The following WDR26 variants were observed in gnomAD, a reference collection of about 807,000 sequenced individuals.
WDR26 encodes WD repeat domain 26.
WDR26 carries 5 observed loss-of-function variants against 84.1 expected under a neutral mutation model. The ratio of observed to expected loss-of-function variants is 0.06; its 90% CI spans 0.03 to 0.13. The LOEUF (loss-of-function observed/expected upper bound fraction) is 0.13. WDR26 is among the 10% of genes least tolerant of loss of function. The pLI is 1.00. For synonymous variants in WDR26, 415 were observed against 389.6 expected (o/e 1.07, Z -0.77); for missense variants, 642 against 974.9 (o/e 0.66, Z 4.55).
intron 4 of WDR26, among the ~76,000 whole-genome samples, chr1:224,422,269 A>G (rs761126555): frequency 5.9e-5 from 9 of 152,224 alleles, no homozygotes; most frequent in Non-Finnish European, 1.2e-4. Flanking sequence ...ATGAATAAAG[A>G]AAAAGATGGC....
chr1:224,421,271 T>C (rs1338013568), intron 4 of WDR26, among the ~76,000 whole-genome samples: 1 of 152,176 alleles, frequency 6.6e-6, no homozygotes, highest in African/African-American at 2.4e-5. Context: ...ATCATGTGAA[T>C]GATATTCCGA....
chr1:224,407,137 AAAAAAAAAAAAAAAATAT>A (rs1362362884), intron 7 of WDR26, among the ~76,000 whole-genome samples: 1 of 38,472 alleles, frequency 2.6e-5, no homozygotes, highest in African/African-American at 1.1e-4. Context: ...AAAAAAAAAA[AAAAAAAAAAAAAAAATAT>A]ATATATATAT....
rs1427899973 is a variant in WDR26, at chr1:224,434,502, T to C, written c.-97A>G. On this transcript the variant is annotated 5_prime_UTR_variant, in exon 1 of 14. Coordinates refer to ENST00000414423, the MANE Select transcript of WDR26 (RefSeq NM_001379403.1). ...CGGGGAGGCGGGGAGGGGGTCAGGG[T>C]AGGAGGGTGAGGGTGAGGGTGAGAG... 1 of 278,062 alleles carries C rather than the reference T, an allele frequency of 3.6e-6. No homozygotes were observed. Among genetic ancestry groups the C allele is most frequent in the African/African-American group, 6.8e-5 (1 of 14,642 alleles). The allele number at this position is 278,062 out of a possible 1,614,324, so 17.2% of individuals were successfully genotyped here. A position where few individuals can be genotyped will look rare whatever the true frequency, so the allele number is the denominator to read the frequency against.
In WDR26 at chr1:224,389,738, G is replaced by A; in HGVS notation, c.*97C>T. The A allele has an allele frequency of 8.1e-7, 1 of 1,235,322 alleles. No homozygotes were observed. The highest frequency in any genetic ancestry group is 1.2e-5 in the South Asian group (1 of 82,404). 76.5% of individuals were successfully genotyped at this position (1,235,322 alleles called of 1,614,324 possible). On this transcript the variant is annotated 3_prime_UTR_variant, in exon 14 of 14. Coordinates refer to ENST00000414423, the MANE Select transcript of WDR26 (RefSeq NM_001379403.1). ...TTCTTTTTTCATGACGAGCATGTCTGTCCAGCTATCAATCATGTTTGTTTG... is the reference window on the plus strand; with the variant it reads ...TTCTTTTTTCATGACGAGCATGTCTATCCAGCTATCAATCATGTTTGTTTG...
intron 9 of WDR26, 69 bp from the exon 10 acceptor site, chr1:224,399,103 A>T: frequency 7.3e-7 from 1 of 1,378,606 alleles, no homozygotes; most frequent in Non-Finnish European, 9.6e-7. Flanking sequence ...AAGAACCAAA[A>T]GACTCCCTTC....
At chr1:224,426,932 TA>T (rs992119454) in intron 3 of WDR26, among the ~76,000 whole-genome samples, 102 of 143,312 alleles carry the variant, frequency 7.1e-4, no homozygotes, top group Non-Finnish European at 6.8e-4. Flanking sequence ...CCGTCTCTAC[TA>T]AAAAAAAAAA....
At chr1:224,421,706 G>A (rs1252371372) in intron 4 of WDR26, among the ~76,000 whole-genome samples, 1 of 152,150 alleles carries the variant, frequency 6.6e-6, no homozygotes, top group African/African-American at 2.4e-5. Flanking sequence ...AAGGTGGGAG[G>A]ACTGCTTGAG....
intron 7 of WDR26, among the ~76,000 whole-genome samples, chr1:224,405,879 T>C (rs1409372157): frequency 6.6e-6 from 1 of 152,214 alleles, no homozygotes; most frequent in African/African-American, 2.4e-5. Context: ...CTAGGGAATA[T>C]ACAGTGTGAT....
intron 13 of WDR26, among the ~76,000 whole-genome samples, chr1:224,392,158 G>A (rs552150456): frequency 6.6e-6 from 1 of 152,010 alleles, no homozygotes; most frequent in African/African-American, 2.4e-5. Flanking sequence ...TCAGGAGATC[G>A]AGACCATCCT....
intron 3 of WDR26, among the ~76,000 whole-genome samples, chr1:224,426,262 C>T (rs28459650): frequency 6.6e-6 from 1 of 152,164 alleles, no homozygotes; most frequent in Admixed American, 6.5e-5. Context: ...AACTGCTCTA[C>T]AAGATTTTCT....
At chr1:224,395,800 T>C (rs1016487749) in intron 12 of WDR26, among the ~76,000 whole-genome samples, 5 of 152,186 alleles carry the variant, frequency 3.3e-5, no homozygotes, top group African/African-American at 1.2e-4. Flanking sequence ...TTTGAAGTAA[T>C]CAAGGTCAAA....
At position 224,434,179 on chromosome 1, in the gene WDR26, G is replaced by T; in HGVS notation, c.227C>A (p.Pro76Gln). 4 of 1,421,046 alleles carry T rather than the reference G, an allele frequency of 2.8e-6. No individual in the cohort carries two copies. The highest frequency in any genetic ancestry group is 3.7e-6 in the Non-Finnish European group (4 of 1,092,800). 88.0% of individuals were successfully genotyped at this position (1,421,046 alleles called of 1,614,324 possible). The change falls in exon 1 of 14, where the codon CCG becomes CAG. Residue 76 changes from proline (P) to glutamine (Q), a missense_variant. Pro to Gln is a moderately conservative substitution (Grantham distance 76). Around this residue, in one of 2 missense-constraint regions of WDR26, gnomAD observed 291 missense variants for 302.1 expected, o/e 0.96. Coordinates refer to ENST00000414423, the MANE Select transcript of WDR26 (RefSeq NM_001379403.1). ...AGCGGCGGCGGGAGGGGCAGCAGCC[G>T]GGGGAAGTCCCACCACTACCACCAC...
intron 1 of WDR26, among the ~76,000 whole-genome samples, chr1:224,433,253 C>A (rs1331840742): frequency 6.6e-6 from 1 of 152,118 alleles, no homozygotes; most frequent in African/African-American, 2.4e-5. Context: ...CACAAAGATG[C>A]CTCCAAGATA....
At chr1:224,432,204 T>A (rs866889887) in intron 1 of WDR26, among the ~76,000 whole-genome samples, 1 of 152,240 alleles carries the variant, frequency 6.6e-6, no homozygotes, top group Non-Finnish European at 1.5e-5. Context: ...TATATCCAGG[T>A]ATTATATTGC....
intron 12 of WDR26, among the ~76,000 whole-genome samples, chr1:224,395,212 G>C (rs1673227757): frequency 6.6e-6 from 1 of 152,094 alleles, no homozygotes; most frequent in South Asian, 2.1e-4. Context: ...GTTGTTATAA[G>C]GATTAAATAT....
chr1:224,404,729 T>C lies in WDR26; in HGVS notation c.1459-159A>G, dbSNP rs536046048. ...TAACAGCTTGCTTCATAAAGACTCA[T>C]TCACATTGCAACATCTATTAAGCAT... On this transcript the variant is annotated intron_variant, in intron 7 of 13. Coordinates refer to ENST00000414423, the MANE Select transcript of WDR26 (RefSeq NM_001379403.1). Among the ~76,000 whole-genome samples, 5 of 152,346 alleles carry C rather than the reference T, an allele frequency of 3.3e-5. No homozygotes were observed. The East Asian group carries it at 5.8e-4, about 18-fold the overall frequency.
chr1:224,391,589 T>C (rs1019520825), intron 13 of WDR26, among the ~76,000 whole-genome samples: 1 of 152,132 alleles, frequency 6.6e-6, no homozygotes. Context: ...TGCAGTGGCA[T>C]GATCATAGCT....
chr1:224,431,902 A>G (rs1674402582), intron 1 of WDR26, 121 bp from the exon 2 acceptor site: 1 of 722,236 alleles, frequency 1.4e-6, no homozygotes, highest in Non-Finnish European at 2.0e-6. Flanking sequence ...ATGAAGAAAA[A>G]AATAGCTTTC....
chr1:224,391,294 C>T (rs866557696), intron 13 of WDR26, among the ~76,000 whole-genome samples: 19 of 135,998 alleles, frequency 1.4e-4, no homozygotes, highest in African/African-American at 2.0e-4. Flanking sequence ...ACCCAGGAGG[C>T]GGAGGTTGTG....
Sources: gnomAD v4.1 joint callset for allele counts (sites outside exome capture counted in the v4.1 genomes callset) on GRCh38, gnomAD v4.1.1 for gene constraint, gnomAD v4.1.1 regional missense constraint, MANE v1.5 for transcripts, NCBI Gene and HGNC (gene_info 2026-07-23, HGNC 2026-07-21) for gene names.